The following ATP8A2 variants were observed in gnomAD, a reference collection of about 807,000 sequenced individuals.
The protein encoded by ATP8A2 is ATPase phospholipid transporting 8A2, also known as phospholipid-transporting ATPase IB.
A neutral mutation model predicts 165.6 loss-of-function variants in ATP8A2; 100 were observed. The ratio of observed to expected loss-of-function variants is 0.60; its 90% CI spans 0.51 to 0.71. The LOEUF is 0.71. Ranked by LOEUF, ATP8A2 falls within the 30% of genes least tolerant of loss-of-function variation. The pLI is 0.00. For missense variants in ATP8A2, 1,227 were observed against 1,479.5 expected (o/e 0.83, Z 2.80); for synonymous variants, 543 against 548.8 (o/e 0.99, Z 0.15).
chr13:25,657,804 A>G (rs900343617), intron 24 of ATP8A2, among the ~76,000 whole-genome samples: 1 of 152,254 alleles, frequency 6.6e-6, no homozygotes, highest in African/African-American at 2.4e-5. Context: ...TGTGTGCGTT[A>G]ACACGTAATT....
intron 24 of ATP8A2, among the ~76,000 whole-genome samples, chr13:25,626,784 C>G (rs908728012): frequency 6.6e-6 from 1 of 151,990 alleles, no homozygotes; most frequent in Non-Finnish European, 1.5e-5. Flanking sequence ...ACTCACAGTC[C>G]CATATGGCTG....
chr13:25,834,827 C>T (rs1951563602), intron 28 of ATP8A2, among the ~76,000 whole-genome samples: 1 of 152,236 alleles, frequency 6.6e-6, no homozygotes, highest in South Asian at 2.1e-4. Flanking sequence ...GGCACACACT[C>T]TCTTGGTGTG....
chr13:25,574,999 T>C, intron 19 of ATP8A2, 142 bp downstream of exon 19: 2 of 465,132 alleles, frequency 4.3e-6, no homozygotes, highest in East Asian at 3.5e-5. Flanking sequence ...TAAACTCTTT[T>C]CTTCTTGGAA....
Position 25,921,860 on chromosome 13 carries a change from T to C in ATP8A2, c.3184-39715T>C, listed in dbSNP as rs141261985. Among the ~76,000 whole-genome samples, 211 of 152,348 alleles carry C rather than the reference T, an allele frequency of 1.4e-3. 1 individual carries two copies. Among genetic ancestry groups the C allele is most frequent in the Admixed American group, 3.6e-3 (55 of 15,300 alleles). ...AGTGAAAAGTATATTGAAATATTAA[T>C]ATAGTTCTAAACCAGATTAAGTAAA... On this transcript the variant is annotated intron_variant, in intron 33 of 36. Coordinates refer to ENST00000381655, the MANE Select transcript of ATP8A2 (RefSeq NM_016529.6).
intron 27 of ATP8A2, among the ~76,000 whole-genome samples, chr13:25,823,590 G>A (rs1383935454): frequency 1.3e-5 from 2 of 152,010 alleles, no homozygotes; most frequent in Admixed American, 6.5e-5. Flanking sequence ...TTTTGGTATT[G>A]TGTACTGCTA....
At chr13:25,455,548 T>G (rs1378801831) in intron 1 of ATP8A2, among the ~76,000 whole-genome samples, 1 of 152,240 alleles carries the variant, frequency 6.6e-6, no homozygotes, top group Non-Finnish European at 1.5e-5. Context: ...CTTATACATT[T>G]CATTTCGTAG....
intron 18 of ATP8A2, 73 bp from the exon 19 acceptor site, chr13:25,574,735 A>T: frequency 2.3e-6 from 2 of 870,636 alleles, no homozygotes; most frequent in South Asian, 2.7e-5. Flanking sequence ...ATGTCTGTTT[A>T]TGCTTGGGAG....
intron 35 of ATP8A2, among the ~76,000 whole-genome samples, chr13:25,996,620 C>T (rs906021822): frequency 2.0e-5 from 3 of 151,958 alleles, no homozygotes; most frequent in Non-Finnish European, 4.4e-5. Context: ...CGCACTCTGG[C>T]GTTCAAGCAA....
intron 24 of ATP8A2, among the ~76,000 whole-genome samples, chr13:25,623,113 G>A (rs1045069501): frequency 8.5e-5 from 13 of 152,218 alleles, no homozygotes; most frequent in Non-Finnish European, 1.9e-4. Context: ...GCCACGCACA[G>A]TAGCTCATGC....
chr13:25,602,480 A>G (rs1485870383), intron 24 of ATP8A2, among the ~76,000 whole-genome samples: 1 of 152,206 alleles, frequency 6.6e-6, no homozygotes, highest in East Asian at 1.9e-4. Context: ...TTTTCCTGGC[A>G]TAGATTTAAG....
chr13:25,643,989 C>CGTATT (rs1365652332), intron 24 of ATP8A2, among the ~76,000 whole-genome samples: 4 of 7,592 alleles, frequency 5.3e-4, no homozygotes, highest in African/African-American at 1.3e-3. Context: ...TCAATTTATT[C>CGTATT]CTATTTTATT....
At position 25,541,933 on chromosome 13, in the gene ATP8A2, T is replaced by A; in HGVS notation, c.666T>A (p.Thr222=). ...TAATCTTTTAGGGTTTGAGTCACAC[T>A]GCTGACATGCAAACACGTGAAGTTC... ...NLKIRQGLSH[T]ADMQTREVLM... The change falls in exon 9 of 37, where the codon ACT becomes ACA. Residue 222 remains threonine, a synonymous_variant. Transcript: ENST00000381655. 6.2e-7 allele frequency: 1 copy of A among 1,614,144 alleles called. No individual in the cohort carries two copies. Among genetic ancestry groups the A allele is most frequent in the Non-Finnish European group, 8.5e-7 (1 of 1,180,002 alleles).
At chr13:25,585,365 A>G (rs2039892345) in intron 23 of ATP8A2, among the ~76,000 whole-genome samples, 2 of 152,194 alleles carry the variant, frequency 1.3e-5, no homozygotes, top group Admixed American at 6.5e-5. Context: ...TAGTTATGCA[A>G]TAGATGTGGA....
chr13:25,497,272 T>C (rs2036707399), intron 2 of ATP8A2, among the ~76,000 whole-genome samples: 1 of 152,228 alleles, frequency 6.6e-6, no homozygotes, highest in African/African-American at 2.4e-5. Context: ...GTAGGCTTCA[T>C]ATTTTACTCT....
At chr13:25,548,266 A>ATT (rs1214887894) in intron 10 of ATP8A2, among the ~76,000 whole-genome samples, 2 of 152,064 alleles carry the variant, frequency 1.3e-5, no homozygotes, top group East Asian at 3.9e-4. Context: ...AAAACCCATC[A>ATT]TTGATCATTG....
intron 25 of ATP8A2, among the ~76,000 whole-genome samples, chr13:25,763,711 A>T (rs2044432419): frequency 6.6e-6 from 1 of 152,140 alleles, no homozygotes. Flanking sequence ...CTGGGCCATG[A>T]GATTAAGTTT....
intron 1 of ATP8A2, among the ~76,000 whole-genome samples, chr13:25,399,681 C>T (rs1194750587): frequency 1.3e-5 from 2 of 151,320 alleles, no homozygotes. Context: ...GGATTACAGG[C>T]GTGAGCCACC....
intron 24 of ATP8A2, among the ~76,000 whole-genome samples, chr13:25,691,440 G>C (rs996944526): frequency 2.7e-4 from 41 of 152,336 alleles, no homozygotes; most frequent in African/African-American, 9.4e-4. Flanking sequence ...GGCTTATTCT[G>C]AGAAGGATAA....
At chr13:25,721,785 T>C (rs960204040) in intron 25 of ATP8A2, among the ~76,000 whole-genome samples, 1 of 152,260 alleles carries the variant, frequency 6.6e-6, no homozygotes, top group Non-Finnish European at 1.5e-5. Flanking sequence ...CATTCTGTTG[T>C]ATGATTGAAT....
Sources: gnomAD v4.1 joint callset for allele counts (sites outside exome capture counted in the v4.1 genomes callset) on GRCh38, gnomAD v4.1.1 for gene constraint, MANE v1.5 for transcripts, NCBI Gene and HGNC (gene_info 2026-07-23, HGNC 2026-07-21) for gene names.